The following TXNRD2 variants were observed in gnomAD, a reference collection of about 807,000 sequenced individuals.
The protein encoded by TXNRD2 is thioredoxin reductase 2, mitochondrial.
In TXNRD2, 67 loss-of-function variants were observed where a neutral mutation model predicts 70.8. That is an observed-to-expected ratio of 0.95 (90% CI 0.78 to 1.16). The LOEUF (loss-of-function observed/expected upper bound fraction) is 1.16. Among genes scored for constraint, TXNRD2 ranks in the 50% most tolerant of loss-of-function variants. The pLI is 0.00. For synonymous variants in TXNRD2, 301 were observed against 295.8 expected (o/e 1.02, Z -0.18); for missense variants, 644 against 719.9 (o/e 0.89, Z 1.21).
intron 17 of TXNRD2, 57 bp downstream of exon 17, chr22:19,876,983 C>T: frequency 7.7e-7 from 1 of 1,297,262 alleles, no homozygotes; most frequent in Non-Finnish European, 1.0e-6. Flanking sequence ...ATGGCCAGGG[C>T]TCCTGCACCC....
At chr22:19,899,873 A>G (rs1939693657) in intron 8 of TXNRD2, among the ~76,000 whole-genome samples, 1 of 152,168 alleles carries the variant, frequency 6.6e-6, no homozygotes, top group African/African-American at 2.4e-5. Flanking sequence ...ACACATGCAA[A>G]CGGGCACAGA....
chr22:19,904,280 C>T (rs1215861878), intron 8 of TXNRD2, among the ~76,000 whole-genome samples: 1 of 152,244 alleles, frequency 6.6e-6, no homozygotes, highest in Non-Finnish European at 1.5e-5. Context: ...GGTTACAAAC[C>T]AGGTGCTCAG....
intron 9 of TXNRD2, 74 bp from the exon 10 acceptor site, chr22:19,898,204 G>A (rs1049126950): frequency 5.8e-6 from 8 of 1,377,804 alleles, no homozygotes; most frequent in Non-Finnish European, 8.0e-6. Context: ...AGGGCCCTGT[G>A]CCACAGCCCA....
chr22:19,909,783 C>CCA (rs1195518697), intron 8 of TXNRD2, among the ~76,000 whole-genome samples: 1 of 120,370 alleles, frequency 8.3e-6, no homozygotes. Context: ...ACCACACACA[C>CCA]CACACACACA....
At chr22:19,918,782 T>C (rs182088477) in intron 4 of TXNRD2, 78 bp downstream of exon 4, 6 of 1,567,278 alleles carry the variant, frequency 3.8e-6, no homozygotes, top group Non-Finnish European at 8.7e-7. Context: ...TGAGGGCTCA[T>C]CGAGGATAAG....
At chr22:19,895,385 G>A (rs768748045) in intron 11 of TXNRD2, 22 bp downstream of exon 11, 21 of 1,613,570 alleles carry the variant, frequency 1.3e-5, no homozygotes, top group Middle Eastern at 1.6e-4. Flanking sequence ...GAGACAGAGC[G>A]TGTGGCTCGA....
chr22:19,878,345 C>T, intron 15 of TXNRD2, 21 bp downstream of exon 15: 2 of 1,613,650 alleles, frequency 1.2e-6, no homozygotes, highest in South Asian at 2.2e-5. Flanking sequence ...CCTCAGCACC[C>T]TGGGCCACAG....
rs1423089959 is a variant in TXNRD2, at chr22:19,877,175, T to G, written c.1505A>C (p.Glu502Ala). 3 of 1,611,338 alleles carry G rather than the reference T, an allele frequency of 1.9e-6. No individual in the cohort carries two copies. Among genetic ancestry groups the G allele is most frequent in the East Asian group, 4.5e-5 (2 of 44,794 alleles). Reference protein sequence around the residue: ...RTVGIHPTCSEEVVKLRISKR... With the variant: ...RTVGIHPTCSAEVVKLRISKR... ...GGAGATGCGCAGCTTGACTACCTCC[T>G]CAGAGCATGTGGGATGGATACCCAC... is the stretch of plus-strand genomic sequence containing the variant. The change falls in exon 17 of 18, where the codon GAG (glutamate) becomes GCG (alanine). Residue 502 changes from glutamate to alanine, a missense_variant. Glu to Ala is a moderately radical substitution (Grantham distance 107). Around this residue, in one of 3 missense-constraint regions of TXNRD2, gnomAD observed 566 missense variants for 645.0 expected, o/e 0.88. Transcript: ENST00000400521.
chr22:19,894,115 CA>C (rs1303102711), intron 11 of TXNRD2: 2 of 152,230 alleles, frequency 1.3e-5, no homozygotes, highest in African/African-American at 4.8e-5. Flanking sequence ...ACAAATGCTG[CA>C]ACATGGATGC....
At chr22:19,895,665 A>G (rs1255150354) in intron 10 of TXNRD2, 84 bp from the exon 11 acceptor site, 22 of 1,518,570 alleles carry the variant, frequency 1.4e-5, no homozygotes, top group Non-Finnish European at 2.0e-5. Context: ...CGAAGGCCTC[A>G]ATGAAGGGCG....
chr22:19,914,813 T>C (rs1940561823), intron 7 of TXNRD2: 1 of 286,744 alleles, frequency 3.5e-6, no homozygotes, highest in African/African-American at 2.2e-5. Context: ...GTGAATTTTA[T>C]TTCAAACTTT....
intron 8 of TXNRD2, among the ~76,000 whole-genome samples, chr22:19,903,831 T>A (rs1406918224): frequency 1.3e-5 from 2 of 152,214 alleles, no homozygotes; most frequent in African/African-American, 4.8e-5. Flanking sequence ...CAAGGCTGCA[T>A]GCCCCCTCTG....
chr22:19,905,432 ACAGGGTTG>A (rs1939966009), intron 8 of TXNRD2, among the ~76,000 whole-genome samples: 1 of 152,082 alleles, frequency 6.6e-6, no homozygotes, highest in East Asian at 1.9e-4. Context: ...TGCCCCCAGC[ACAGGGTTG>A]CAGAGGAGCG....
At chr22:19,882,538 G>T (rs35951399) in intron 12 of TXNRD2, among the ~76,000 whole-genome samples, 2 of 152,086 alleles carry the variant, frequency 1.3e-5, no homozygotes, top group Admixed American at 1.3e-4. Flanking sequence ...CCCCCCAAAC[G>T]TGAGATAATC....
At chr22:19,927,110 A>G (rs893224995) in intron 2 of TXNRD2, among the ~76,000 whole-genome samples, 1 of 151,988 alleles carries the variant, frequency 6.6e-6, no homozygotes, top group African/African-American at 2.4e-5. Flanking sequence ...CCTGGCCAAC[A>G]TGGTGAAACC....
chr22:19,941,814 C>T lies in TXNRD2; in HGVS notation c.-11G>A, dbSNP rs1016240608. 2.2e-5 allele frequency: 34 copies of T among 1,528,728 alleles called. No individual in the cohort carries two copies. In the African/African-American group the frequency reaches 3.3e-4, roughly 15 times the overall value. 94.7% of individuals were successfully genotyped at this position (1,528,728 alleles called of 1,614,324 possible). ...CGCCATTGCCGCCATCGTCGTGGGG[C>T]TTCTGGGGCAGCTAGGGCTGCCCGC... On this transcript the variant is annotated 5_prime_UTR_variant, in exon 1 of 18. Coordinates refer to ENST00000400521, the MANE Select transcript of TXNRD2 (RefSeq NM_006440.5).
chr22:19,880,495 G>A, intron 13 of TXNRD2, 127 bp downstream of exon 13: 1 of 922,158 alleles, frequency 1.1e-6, no homozygotes, highest in Non-Finnish European at 1.7e-6. Context: ...ACCCACATAA[G>A]CGCACACACA....
chr22:19,932,244 T>C, intron 1 of TXNRD2: 2 of 1,589,238 alleles, frequency 1.3e-6, no homozygotes, highest in South Asian at 2.2e-5. Flanking sequence ...AGGGTCTTGG[T>C]GTGCCCAGCT....
rs554562187 is a variant in TXNRD2, at chr22:19,903,199, G to C, written c.663-4131C>G. Among the ~76,000 whole-genome samples the C allele has an allele frequency of 4.0e-3, 610 of 152,348 alleles. 2 individuals carry two copies. Among genetic ancestry groups the C allele is most frequent in the African/African-American group, 0.014 (577 of 41,582 alleles). On this transcript the variant is annotated intron_variant, in intron 8 of 17. Coordinates refer to ENST00000400521, the MANE Select transcript of TXNRD2 (RefSeq NM_006440.5). ...GCAGGAGAGGCTGGCCCCATGCTCTGTAAACCCCCACGGGGACCTGGGCAG... is the reference window on the plus strand; with the variant it reads ...GCAGGAGAGGCTGGCCCCATGCTCTCTAAACCCCCACGGGGACCTGGGCAG...
Sources: gnomAD v4.1 joint callset for allele counts (sites outside exome capture counted in the v4.1 genomes callset) on GRCh38, gnomAD v4.1.1 for gene constraint, gnomAD v4.1.1 regional missense constraint, MANE v1.5 for transcripts, NCBI Gene and HGNC (gene_info 2026-07-23, HGNC 2026-07-21) for gene names.